Variants in SBF2 observed in about 807,000 individuals in gnomAD.
SBF2 encodes SET binding factor 2.
In SBF2, 112 loss-of-function variants were observed where a neutral mutation model predicts 225.2. The ratio of observed to expected loss-of-function variants is 0.50; its 90% CI spans 0.43 to 0.58. The LOEUF (loss-of-function observed/expected upper bound fraction) is 0.58. Ranked by LOEUF, SBF2 falls within the 20% of genes least tolerant of loss-of-function variation. The pLI is 0.00. For synonymous variants in SBF2, 763 were observed against 773.3 expected, an observed-to-expected ratio of 0.99 and a Z score of 0.22; for missense variants, 1,996 against 2,206.2, an observed-to-expected ratio of 0.90 and a Z score of 1.91.
intron 1 of SBF2, among the ~76,000 whole-genome samples, chr11:10,225,205 C>A (rs1441394399): frequency 6.6e-6 from 1 of 151,862 alleles, no homozygotes; most frequent in Non-Finnish European, 1.5e-5. Context: ...AGAAACTCAA[C>A]AAATCACTGG....
chr11:9,860,680 C>A (rs1432492253), intron 17 of SBF2, among the ~76,000 whole-genome samples: 1 of 152,062 alleles, frequency 6.6e-6, no homozygotes, highest in African/African-American at 2.4e-5. Context: ...AACTGTAATT[C>A]TCAACTGCCT....
chr11:9,855,946 T>A (rs1191396274), intron 19 of SBF2, among the ~76,000 whole-genome samples: 1 of 151,630 alleles, frequency 6.6e-6, no homozygotes, highest in Non-Finnish European at 1.5e-5. Flanking sequence ...GACAGAAGAG[T>A]GATAGGAAAT....
chr11:9,878,114 T>C (rs548882316), intron 17 of SBF2, among the ~76,000 whole-genome samples: 69 of 152,344 alleles, frequency 4.5e-4, no homozygotes, highest in Middle Eastern at 3.4e-3. Flanking sequence ...TGGTATCTCA[T>C]TGTGGTTTTG....
chr11:10,164,618 G>A (rs1955876725), intron 2 of SBF2, among the ~76,000 whole-genome samples: 1 of 152,164 alleles, frequency 6.6e-6, no homozygotes, highest in African/African-American at 2.4e-5. Context: ...CGGGAGCACG[G>A]TGCTTCCTTT....
In SBF2 at chr11:9,842,678, A is replaced by G. The variant is rs765970008; in HGVS notation, c.3203T>C (p.Ile1068Thr). 3.1e-6 allele frequency: 5 copies of G among 1,614,026 alleles called. No homozygotes were observed. In the East Asian group the frequency reaches 6.7e-5, roughly 22 times the overall value. The change falls in exon 25 of 40, where the codon ATT (isoleucine) becomes ACT (threonine). Residue 1068 changes from isoleucine to threonine, a missense_variant. By Grantham distance (89) the Ile-to-Thr change is moderately conservative. Coordinates refer to ENST00000256190, the MANE Select transcript of SBF2 (RefSeq NM_030962.4). ...QYLLKKKTGT[I>T]VEERVNRPGW... ...AGGACGATTTACTCTTTCTTCCACA[A>G]TTGTCCCTGTCTTCTTCTTCAGTAA...
At chr11:10,269,800 C>T (rs1320941807) in intron 1 of SBF2, among the ~76,000 whole-genome samples, 1 of 152,148 alleles carries the variant, frequency 6.6e-6, no homozygotes, top group African/African-American at 2.4e-5. Context: ...CCCACTCTGT[C>T]ACCTAGGCTA....
intron 16 of SBF2, chr11:9,959,551 TC>T: frequency 1.3e-6 from 1 of 777,840 alleles, no homozygotes; most frequent in Non-Finnish European, 2.4e-6. Flanking sequence ...GTGGAAGGGG[TC>T]CCAAAACATG....
intron 2 of SBF2, among the ~76,000 whole-genome samples, chr11:10,085,282 G>A (rs1048530282): frequency 2.0e-5 from 3 of 152,030 alleles, no homozygotes; most frequent in Admixed American, 6.5e-5. Flanking sequence ...TCTCAAACTC[G>A]TATTACATGA....
chr11:10,110,523 T>C (rs759187086), intron 2 of SBF2, among the ~76,000 whole-genome samples: 1 of 152,138 alleles, frequency 6.6e-6, no homozygotes, highest in Non-Finnish European at 1.5e-5. Flanking sequence ...AAAACATGGA[T>C]CTACAATGGC....
chr11:9,928,204 T>C (rs779209002), intron 16 of SBF2, among the ~76,000 whole-genome samples: 1 of 152,192 alleles, frequency 6.6e-6, no homozygotes, highest in Non-Finnish European at 1.5e-5. Flanking sequence ...CTGAAAATCA[T>C]ATATTTGAGA....
At chr11:10,149,858 T>C (rs1213472966) in intron 2 of SBF2, among the ~76,000 whole-genome samples, 1 of 152,196 alleles carries the variant, frequency 6.6e-6, no homozygotes, top group African/African-American at 2.4e-5. Context: ...AATGACATTT[T>C]GTCTACTAGT....
At position 10,129,223 on chromosome 11, in the gene SBF2, C is replaced by A. The variant is rs185173542; in HGVS notation, c.141+64679G>T. On this transcript the variant is annotated intron_variant, in intron 2 of 39. Transcript: ENST00000256190. ...AGTTCAAGCGATTCTCCTGCCTCAACCTCCTGAGTAGCTGGGATTACAGGC... is the reference window on the plus strand; with the variant it reads ...AGTTCAAGCGATTCTCCTGCCTCAAACTCCTGAGTAGCTGGGATTACAGGC... 1.5e-3 allele frequency among the ~76,000 whole-genome samples: 229 copies of A among 151,014 alleles called. 2 individuals carry two copies. Among genetic ancestry groups the A allele is most frequent in the Non-Finnish European group, 5.6e-4 (38 of 67,828 alleles).
At chr11:9,964,630 T>C (rs1457268348) in intron 14 of SBF2, among the ~76,000 whole-genome samples, 1 of 152,178 alleles carries the variant, frequency 6.6e-6, no homozygotes, top group East Asian at 1.9e-4. Flanking sequence ...TCATGATCAA[T>C]GAACTGTTAC....
At chr11:9,836,095 TTGA>T (rs1189143461) in intron 26 of SBF2, among the ~76,000 whole-genome samples, 3 of 152,174 alleles carry the variant, frequency 2.0e-5, no homozygotes, top group Non-Finnish European at 2.9e-5. Flanking sequence ...TTTTACTCTC[TTGA>T]TGATATCTCC....
intron 2 of SBF2, among the ~76,000 whole-genome samples, chr11:10,159,400 C>G (rs1955622031): frequency 6.6e-6 from 1 of 152,198 alleles, no homozygotes; most frequent in Non-Finnish European, 1.5e-5. Context: ...CTGAATTGCT[C>G]CTAAGATCAG....
intron 17 of SBF2, among the ~76,000 whole-genome samples, chr11:9,887,770 C>G (rs186142355): frequency 6.6e-6 from 1 of 150,402 alleles, no homozygotes; most frequent in Admixed American, 6.6e-5. Context: ...CAGAAAAAAA[C>G]GATGAAAAAA....
At chr11:9,847,254 A>C (rs1319420796) in intron 22 of SBF2, among the ~76,000 whole-genome samples, 171 bp from the exon 23 acceptor site, 1 of 152,190 alleles carries the variant, frequency 6.6e-6, no homozygotes, top group African/African-American at 2.4e-5. Context: ...ATGTCTCAGG[A>C]GTGGCAAGTG....
At position 9,780,265 on chromosome 11, in the gene SBF2, T is replaced by C. The variant is rs1381109229; in HGVS notation, c.*153A>G. 5.7e-6 allele frequency: 4 copies of C among 706,148 alleles called. No individual in the cohort carries two copies. Among genetic ancestry groups the C allele is most frequent in the Non-Finnish European group, 2.5e-6 (1 of 393,712 alleles). 43.7% of individuals were successfully genotyped at this position (706,148 alleles called of 1,614,324 possible). On this transcript the variant is annotated 3_prime_UTR_variant, in exon 40 of 40. Transcript: ENST00000256190. Reference sequence around the variant, plus strand: ...GTGTGAAACACCTATTCAGGTTAAGTAGATATAGCAACCCCTGCAAGAGGG... The same window carrying C: ...GTGTGAAACACCTATTCAGGTTAAGCAGATATAGCAACCCCTGCAAGAGGG...
intron 21 of SBF2, among the ~76,000 whole-genome samples, chr11:9,851,142 A>AAC (rs1264324568): frequency 2.0e-5 from 3 of 149,690 alleles, no homozygotes; most frequent in Non-Finnish European, 4.5e-5. Flanking sequence ...TCTCAAAAAA[A>AAC]AAAAAAACAA....
Sources: gnomAD v4.1 joint callset for allele counts (sites outside exome capture counted in the v4.1 genomes callset) on GRCh38, gnomAD v4.1.1 for gene constraint, MANE v1.5 for transcripts, NCBI Gene and HGNC (gene_info 2026-07-23, HGNC 2026-07-21) for gene names.